The following APBB2 variants were observed in gnomAD, a reference collection of about 807,000 sequenced individuals.
The protein encoded by APBB2 is Fe65-like 1.
APBB2 carries 38 observed loss-of-function variants against 82.5 expected under a neutral mutation model. The ratio of observed to expected loss-of-function variants is 0.46; its 90% CI spans 0.36 to 0.60. The LOEUF (loss-of-function observed/expected upper bound fraction) is 0.60, where lower values mean the gene tolerates loss of function less well. APBB2 is among the 20% of genes least tolerant of loss of function. The pLI is 0.00. For synonymous variants in APBB2, 341 were observed against 368.2 expected (o/e 0.93, Z 0.85); for missense variants, 772 against 972.3 (o/e 0.79, Z 2.74).
rs763867174 is a variant in APBB2 at position 40,823,627 on chromosome 4, C to T, written c.1932+17G>A. ...ACTGTATAAGACACACCAATGTCAT[C>T]GAAGATTCCTTCTCACCTTTTCACT... On this transcript the variant is annotated intron_variant, in intron 16 of 17. Coordinates refer to ENST00000508593, the MANE Select transcript of APBB2 (RefSeq NM_004307.2). 5.1e-6 allele frequency: 8 copies of T among 1,563,490 alleles called. No individual in the cohort carries two copies. The highest frequency in any genetic ancestry group is 2.2e-5 in the South Asian group (2 of 90,106).
At chr4:41,205,069 C>G (rs1395381630) in intron 1 of APBB2, among the ~76,000 whole-genome samples, 1 of 152,198 alleles carries the variant, frequency 6.6e-6, no homozygotes, top group Admixed American at 6.5e-5. Flanking sequence ...ATTGGGATAA[C>G]AAGTTTACCT....
chr4:41,001,243 C>T (rs183023327), intron 6 of APBB2, among the ~76,000 whole-genome samples: 29 of 152,264 alleles, frequency 1.9e-4, no homozygotes, highest in African/African-American at 7.0e-4. Context: ...GGGAAAGGTT[C>T]TATTAATAAC....
intron 10 of APBB2, among the ~76,000 whole-genome samples, chr4:40,929,928 T>C (rs1228855576): frequency 6.6e-6 from 1 of 152,182 alleles, no homozygotes; most frequent in Non-Finnish European, 1.5e-5. Flanking sequence ...CTCCTATGGA[T>C]ACTGGTGCCT....
chr4:40,899,713 T>C (rs1166345698), intron 10 of APBB2, among the ~76,000 whole-genome samples: 1 of 152,250 alleles, frequency 6.6e-6, no homozygotes, highest in African/African-American at 2.4e-5. Context: ...CTGTCTTCCA[T>C]TTCTCTTTTC....
intron 2 of APBB2, among the ~76,000 whole-genome samples, chr4:41,139,511 A>T (rs539120104): frequency 9.2e-5 from 14 of 152,330 alleles, no homozygotes; most frequent in African/African-American, 3.4e-4. Flanking sequence ...CAAAACTTGG[A>T]AGCAACCAAG....
In APBB2 at chr4:41,033,435, A is replaced by C. The variant is rs576402637; in HGVS notation, c.-50-131T>G. On this transcript the variant is annotated intron_variant, in intron 4 of 17. Coordinates refer to ENST00000508593, the MANE Select transcript of APBB2 (RefSeq NM_004307.2). ...AACAAATTTTGGCAGATAATGTCCAAATTTTTGTTTGTTTATAGTTGGTCA... is the reference window on the plus strand; with the variant it reads ...AACAAATTTTGGCAGATAATGTCCACATTTTTGTTTGTTTATAGTTGGTCA... 8.2e-5 allele frequency: 43 copies of C among 522,398 alleles called. No homozygotes were observed. The South Asian group carries it at 8.3e-4, about 10-fold the overall frequency. 32.4% of individuals were successfully genotyped at this position (522,398 alleles called of 1,614,324 possible). A position where few individuals can be genotyped will look rare whatever the true frequency, so the allele number is the denominator to read the frequency against.
chr4:41,123,839 A>T (rs1036873156), intron 2 of APBB2, among the ~76,000 whole-genome samples: 1 of 151,708 alleles, frequency 6.6e-6, no homozygotes, highest in South Asian at 2.1e-4. Flanking sequence ...AAACCAAAAA[A>T]CAAAACAAAA....
At chr4:40,951,304 A>G (rs1311291872) in intron 6 of APBB2, among the ~76,000 whole-genome samples, 2 of 152,206 alleles carry the variant, frequency 1.3e-5, no homozygotes, top group African/African-American at 4.8e-5. Flanking sequence ...AAAAAAAAAT[A>G]CCTCAGTGGA....
intron 1 of APBB2, among the ~76,000 whole-genome samples, chr4:41,154,206 G>T (rs1284804617): frequency 1.3e-5 from 2 of 152,122 alleles, no homozygotes; most frequent in Non-Finnish European, 2.9e-5. Flanking sequence ...TTAACCTTTG[G>T]AGGCAGCAGG....
chr4:40,821,655 T>C (rs556328887), intron 17 of APBB2, among the ~76,000 whole-genome samples: 1 of 152,356 alleles, frequency 6.6e-6, no homozygotes, highest in African/African-American at 2.4e-5. Context: ...TCGGAGCCTC[T>C]ATCTGGCCCC....
chr4:41,132,052 A>ATAAATAAG (rs1756166541), intron 2 of APBB2, among the ~76,000 whole-genome samples: 2 of 151,508 alleles, frequency 1.3e-5, no homozygotes, highest in African/African-American at 4.8e-5. Flanking sequence ...AAATAAATAA[A>ATAAATAAG]TAAATAAATA....
At chr4:41,026,156 A>C (rs1425303622) in intron 5 of APBB2, among the ~76,000 whole-genome samples, 3 of 152,076 alleles carry the variant, frequency 2.0e-5, no homozygotes, top group African/African-American at 7.2e-5. Flanking sequence ...ACTTACAAAC[A>C]CAAAGAAGGA....
At chr4:40,843,617 C>G (rs1411131068) in intron 12 of APBB2, among the ~76,000 whole-genome samples, 1 of 152,204 alleles carries the variant, frequency 6.6e-6, no homozygotes, top group Non-Finnish European at 1.5e-5. Context: ...GCACATTTGA[C>G]TTTTGTGATA....
intron 10 of APBB2, among the ~76,000 whole-genome samples, chr4:40,930,448 TGC>T (rs1174752964): frequency 0.19 from 12,629 of 66,090 alleles, 684 homozygotes; most frequent in East Asian, 0.27. Flanking sequence ...TGTGTGTGTG[TGC>T]GCGCGCGCGC....
intron 1 of APBB2, among the ~76,000 whole-genome samples, chr4:41,186,077 C>T (rs1207175213): frequency 6.6e-6 from 1 of 152,088 alleles, no homozygotes; most frequent in Non-Finnish European, 1.5e-5. Flanking sequence ...CAGATGTACC[C>T]GAAATATTTT....
At chr4:40,857,827 G>A (rs1761783313) in intron 12 of APBB2, among the ~76,000 whole-genome samples, 1 of 151,764 alleles carries the variant, frequency 6.6e-6, no homozygotes, top group Non-Finnish European at 1.5e-5. Context: ...GGGGAGGGGT[G>A]GTTGGGGAAG....
intron 12 of APBB2, among the ~76,000 whole-genome samples, chr4:40,838,793 A>G (rs1247106880): frequency 5.9e-5 from 9 of 152,056 alleles, no homozygotes; most frequent in Non-Finnish European, 1.0e-4. Flanking sequence ...TTTAAAAAAT[A>G]GCCAGAACTA....
At chr4:40,996,055 T>A (rs1803555851) in intron 6 of APBB2, among the ~76,000 whole-genome samples, 1 of 152,206 alleles carries the variant, frequency 6.6e-6, no homozygotes, top group Admixed American at 6.5e-5. Context: ...ATCTGTTGAG[T>A]GTCTCACTTG....
intron 1 of APBB2, among the ~76,000 whole-genome samples, chr4:41,191,890 G>A (rs777649369): frequency 4.3e-4 from 65 of 152,106 alleles, no homozygotes; most frequent in Non-Finnish European, 6.0e-4. Flanking sequence ...CTAATATGGC[G>A]GTCACGATCC....
Sources: allele counts gnomAD v4.1 joint callset (sites outside exome capture counted in the v4.1 genomes callset), GRCh38; gene constraint gnomAD v4.1.1; transcripts MANE v1.5; gene names NCBI Gene and HGNC (gene_info 2026-07-23, HGNC 2026-07-21).